Variants in SMAD5 observed in about 807,000 individuals in gnomAD.
SMAD5 encodes MAD, mothers against decapentaplegic homolog 5.
A neutral mutation model predicts 43.1 loss-of-function variants in SMAD5; 9 were observed. The observed-to-expected ratio is 0.21, with a 90% CI of 0.13 to 0.36. The LOEUF is 0.36. SMAD5 is among the 10% of genes least tolerant of loss of function. SMAD5 has a pLI of 1.00. For missense variants in SMAD5, 348 were observed against 574.0 expected (o/e 0.61, Z 4.02); for synonymous variants, 190 against 192.4 (o/e 0.99, Z 0.10).
chr5:136,180,093 A>G lies in SMAD5; in HGVS notation c.*2613A>G, dbSNP rs1754573125. ...CTATAAGCCTGTTGTATCTCCTAAA[A>G]GTTGTCAACTCCCCACCCTTGGACT... On this transcript the variant is annotated 3_prime_UTR_variant, in exon 8 of 8. Transcript: ENST00000545279. 6.6e-6 allele frequency: 1 copy of G among 152,170 alleles called. No individual in the cohort carries two copies. The allele number at this position is 152,170 out of a possible 1,614,324, so 9.4% of individuals were successfully genotyped here.
chr5:136,159,679 G>A (rs984450979), intron 3 of SMAD5, among the ~76,000 whole-genome samples: 6 of 152,320 alleles, frequency 3.9e-5, no homozygotes, highest in South Asian at 2.1e-4. Flanking sequence ...GCTGCCTCTT[G>A]TTCTGCGAGG....
chr5:136,162,186 G>T (rs1174863413), intron 4 of SMAD5, among the ~76,000 whole-genome samples: 1 of 152,026 alleles, frequency 6.6e-6, no homozygotes, highest in East Asian at 1.9e-4. Flanking sequence ...ACTCACACTG[G>T]GACTGTTTAG....
chr5:136,162,244 G>T (rs1753847696), intron 4 of SMAD5, among the ~76,000 whole-genome samples: 1 of 152,170 alleles, frequency 6.6e-6, no homozygotes, highest in East Asian at 1.9e-4. Context: ...GATGTGAGAG[G>T]AAACTCGGGT....
In SMAD5 at chr5:136,177,703, GTAT is replaced by G. The variant is rs1754475138; in HGVS notation, c.*227_*229del. On this transcript the variant is annotated 3_prime_UTR_variant, in exon 8 of 8. Coordinates refer to ENST00000545279, the MANE Select transcript of SMAD5 (RefSeq NM_005903.7). Reference sequence around the variant, plus strand: ...AAGTGTTGTAAAAGATGCAGAGTAAGTATTATGCCCCAGTTCAGAAATTTGGCA... The same window carrying G: ...AAGTGTTGTAAAAGATGCAGAGTAAGTATGCCCCAGTTCAGAAATTTGGCA... 1 of 435,904 alleles carries G rather than the reference GTAT, an allele frequency of 2.3e-6. No homozygotes were observed. The highest frequency in any genetic ancestry group is 4.0e-6 in the Non-Finnish European group (1 of 248,058). The allele number at this position is 435,904 out of a possible 1,614,324, so 27.0% of individuals were successfully genotyped here.
chr5:136,173,439 A>G (rs1754294671), intron 6 of SMAD5, among the ~76,000 whole-genome samples: 1 of 152,176 alleles, frequency 6.6e-6, no homozygotes, highest in African/African-American at 2.4e-5. Context: ...TATAATTGTG[A>G]TAGGATTTCT....
intron 6 of SMAD5, among the ~76,000 whole-genome samples, chr5:136,173,538 A>T (rs1167235734): frequency 3.9e-5 from 6 of 152,118 alleles, no homozygotes; most frequent in Non-Finnish European, 8.8e-5. Flanking sequence ...AACTTGCCTT[A>T]GTTTTTTCAG....
chr5:136,170,325 C>T (rs1423558036), intron 5 of SMAD5, among the ~76,000 whole-genome samples: 1 of 152,058 alleles, frequency 6.6e-6, no homozygotes, highest in Non-Finnish European at 1.5e-5. Flanking sequence ...TTTCCTGTAT[C>T]ATTTTTTGAA....
chr5:136,146,748 C>G (rs981488043), intron 1 of SMAD5, among the ~76,000 whole-genome samples: 3 of 151,550 alleles, frequency 2.0e-5, no homozygotes, highest in African/African-American at 7.3e-5. Context: ...TATATGGGTA[C>G]CATAAAGAAG....
chr5:136,160,142 G>A (rs1753777397), intron 3 of SMAD5, among the ~76,000 whole-genome samples: 1 of 152,152 alleles, frequency 6.6e-6, no homozygotes, highest in African/African-American at 2.4e-5. Flanking sequence ...TTTAGACTTT[G>A]TTGTGTATAT....
chr5:136,145,982 A>T (rs186710774), intron 1 of SMAD5, among the ~76,000 whole-genome samples: 1 of 151,852 alleles, frequency 6.6e-6, no homozygotes, highest in Non-Finnish European at 1.5e-5. Flanking sequence ...AGCGACCTTT[A>T]TATCTTTAGG....
chr5:136,180,907 A>G lies in SMAD5; in HGVS notation c.*3427A>G, dbSNP rs1311285925. On this transcript the variant is annotated 3_prime_UTR_variant, in exon 8 of 8. Coordinates refer to ENST00000545279, the MANE Select transcript of SMAD5 (RefSeq NM_005903.7). ...GTACTCATACCTGAAATCTGTTGTCAAGATTAGAACTGGGGTTCATGTTAA... is the reference window on the plus strand; with the variant it reads ...GTACTCATACCTGAAATCTGTTGTCGAGATTAGAACTGGGGTTCATGTTAA... 1 of 152,122 alleles carries G rather than the reference A, an allele frequency of 6.6e-6. No homozygotes were observed. The highest frequency in any genetic ancestry group is 1.9e-4 in the East Asian group (1 of 5,196). The allele number at this position is 152,122 out of a possible 1,614,324, so 9.4% of individuals were successfully genotyped here.
chr5:136,176,567 A>G (rs947253071), intron 7 of SMAD5, among the ~76,000 whole-genome samples: 1 of 150,518 alleles, frequency 6.6e-6, no homozygotes, highest in African/African-American at 2.4e-5. Flanking sequence ...CTTTATTAGT[A>G]TTTAAGTGAC....
chr5:136,148,210 T>A (rs1425202055), intron 2 of SMAD5, among the ~76,000 whole-genome samples: 1 of 151,682 alleles, frequency 6.6e-6, no homozygotes. Context: ...AGTATCATTA[T>A]ATGACAGCCT....
chr5:136,136,760 G>A (rs900019834), intron 1 of SMAD5, among the ~76,000 whole-genome samples: 2 of 151,834 alleles, frequency 1.3e-5, no homozygotes, highest in East Asian at 2.0e-4. Flanking sequence ...TCAGTGACGC[G>A]ATCTTGACTC....
intron 1 of SMAD5, among the ~76,000 whole-genome samples, chr5:136,138,642 A>G (rs1445232375): frequency 1.3e-5 from 2 of 152,026 alleles, no homozygotes; most frequent in Non-Finnish European, 2.9e-5. Flanking sequence ...GATAATGAGA[A>G]CCACAAGGGT....
rs768239908 is a variant in SMAD5 at position 136,163,263 on chromosome 5, TC to T, written c.656-7del. The T allele has an allele frequency of 8.3e-6, 13 of 1,575,304 alleles. No individual in the cohort carries two copies. The highest frequency in any genetic ancestry group is 1.1e-5 in the Non-Finnish European group (13 of 1,159,948). On this transcript the variant is annotated splice_polypyrimidine_tract_variant and splice_region_variant and intron_variant, in intron 4 of 7. Transcript: ENST00000545279. ...TGAAGATTTTAATTATTATTTTTTTTCCTCTTAGCTGATACGCCTCCTCCTG... is the reference window on the plus strand; with the variant it reads ...TGAAGATTTTAATTATTATTTTTTTTCTCTTAGCTGATACGCCTCCTCCTG...
In SMAD5 at chr5:136,179,498, T is replaced by G. The variant is rs578182473; in HGVS notation, c.*2018T>G. On this transcript the variant is annotated 3_prime_UTR_variant, in exon 8 of 8. Transcript: ENST00000545279. ...AAAAAAGCATTTTCGAGGAAAGAAT[T>G]ATGCAATTTCTTTTGTTTTCTGTGT... 9.2e-5 allele frequency: 14 copies of G among 152,696 alleles called. No individual in the cohort carries two copies. Among genetic ancestry groups the G allele is most frequent in the Non-Finnish European group, 2.1e-4 (14 of 68,026 alleles). 9.5% of individuals were successfully genotyped at this position (152,696 alleles called of 1,614,324 possible). A position where few individuals can be genotyped will look rare whatever the true frequency, so the allele number is the denominator to read the frequency against.
intron 1 of SMAD5, among the ~76,000 whole-genome samples, chr5:136,139,148 G>GTA (rs1482801537): frequency 1.3e-5 from 2 of 151,764 alleles, no homozygotes; most frequent in Admixed American, 6.6e-5. Context: ...GTGTGTGTGT[G>GTA]TGTGTGTGTG....
intron 3 of SMAD5, among the ~76,000 whole-genome samples, chr5:136,155,089 CAA>C (rs1462123164): frequency 1.3e-5 from 2 of 152,188 alleles, no homozygotes; most frequent in African/African-American, 4.8e-5. Flanking sequence ...ATTTTGAACT[CAA>C]GTCAACTTCT....
Sources: allele counts gnomAD v4.1 joint callset (sites outside exome capture counted in the v4.1 genomes callset), GRCh38; gene constraint gnomAD v4.1.1; transcripts MANE v1.5; gene names NCBI Gene and HGNC (gene_info 2026-07-23, HGNC 2026-07-21).